The following ABCB10 variants were observed in gnomAD, a reference collection of about 807,000 sequenced individuals.
ABCB10 encodes ATP-binding cassette sub-family B member 10, mitochondrial.
Under a neutral mutation model 65.4 loss-of-function variants are expected in ABCB10, and 54 were observed. That is an observed-to-expected ratio of 0.83 (90% CI 0.66 to 1.04). The LOEUF (loss-of-function observed/expected upper bound fraction) is 1.04, where lower values mean the gene tolerates loss of function less well. ABCB10 is among the 50% of genes least tolerant of loss of function. The probability of loss-of-function intolerance (pLI) is 0.00; values close to 1 mark genes in which losing one functional copy is unlikely to be tolerated. For missense variants in ABCB10, 846 were observed against 976.6 expected, an observed-to-expected ratio of 0.87 and a Z score of 1.78; for synonymous variants, 418 against 406.5, an observed-to-expected ratio of 1.03 and a Z score of -0.34.
chr1:229,554,252 G>A (rs985595881), intron 1 of ABCB10, among the ~76,000 whole-genome samples: 4 of 152,114 alleles, frequency 2.6e-5, no homozygotes, highest in African/African-American at 9.7e-5. Context: ...GGACATGAGC[G>A]GCTGACAGAT....
chr1:229,518,536 C>T (rs893048664), intron 12 of ABCB10, 126 bp from the exon 13 acceptor site: 11 of 762,768 alleles, frequency 1.4e-5, no homozygotes, highest in East Asian at 1.3e-4. Context: ...CTGTTTAGGA[C>T]TTTCTGATCT....
chr1:229,526,655 G>T (rs987134925), intron 9 of ABCB10, among the ~76,000 whole-genome samples: 1 of 152,204 alleles, frequency 6.6e-6, no homozygotes, highest in Non-Finnish European at 1.5e-5. Context: ...TTCAGAAATG[G>T]GGGGAGGCTC....
chr1:229,542,883 T>C (rs966856693), intron 3 of ABCB10, among the ~76,000 whole-genome samples: 1 of 151,732 alleles, frequency 6.6e-6, no homozygotes, highest in South Asian at 2.1e-4. Flanking sequence ...GTAATCTCAG[T>C]ACTTTGGGAG....
At chr1:229,555,109 A>T (rs1281768811) in intron 1 of ABCB10, among the ~76,000 whole-genome samples, 1 of 152,154 alleles carries the variant, frequency 6.6e-6, no homozygotes, top group Admixed American at 6.5e-5. Context: ...AGTTTAATGA[A>T]GGCATGCTGC....
chr1:229,523,276 T>C (rs977060258), intron 10 of ABCB10, among the ~76,000 whole-genome samples: 3 of 152,354 alleles, frequency 2.0e-5, no homozygotes, highest in Middle Eastern at 3.4e-3. Context: ...CCAGGAACGC[T>C]ACTCCTAAGT....
intron 6 of ABCB10, among the ~76,000 whole-genome samples, chr1:229,532,355 G>C (rs1249099120): frequency 1.3e-5 from 2 of 152,084 alleles, no homozygotes; most frequent in Non-Finnish European, 2.9e-5. Flanking sequence ...TGCCGCAGAG[G>C]AAATCTACCT....
At chr1:229,527,835 T>C (rs982458260) in intron 8 of ABCB10, among the ~76,000 whole-genome samples, 4 of 152,232 alleles carry the variant, frequency 2.6e-5, no homozygotes, top group Non-Finnish European at 5.9e-5. Context: ...CAAACTGTCC[T>C]GGAAGTACAA....
At position 229,518,267 on chromosome 1, in the gene ABCB10, G is replaced by A. The variant is rs1247761430; in HGVS notation, c.2129C>T (p.Thr710Ile). The A allele has an allele frequency of 3.7e-6, 6 of 1,613,970 alleles. No homozygotes were observed. The highest frequency in any genetic ancestry group is 5.1e-6 in the Non-Finnish European group (6 of 1,180,008). ...CAGCTCTTCATGTTTTCCATATTCA[G>A]TAATTTTTCCTTGGTCAAGAACAGC... Reference protein sequence around the residue: ...MVAVLDQGKITEYGKHEELLS... With the variant: ...MVAVLDQGKIIEYGKHEELLS... The change falls in exon 13 of 13, where the codon ACT (threonine) becomes ATT (isoleucine). Residue 710 changes from threonine to isoleucine, a missense_variant. By Grantham distance (89) the Thr-to-Ile change is moderately conservative. Coordinates refer to ENST00000344517, the MANE Select transcript of ABCB10 (RefSeq NM_012089.3).
At position 229,526,585 on chromosome 1, in the gene ABCB10, C is replaced by A. The variant is rs184053319; in HGVS notation, c.1726-469G>T. On this transcript the variant is annotated intron_variant, in intron 9 of 12. Transcript: ENST00000344517. ...TCCCTACACTCCTGAGCACCCATCACCATCCACCTGCCCTCACCCAAGTGG... is the reference window on the plus strand; with the variant it reads ...TCCCTACACTCCTGAGCACCCATCAACATCCACCTGCCCTCACCCAAGTGG... 1.2e-3 allele frequency among the ~76,000 whole-genome samples: 181 copies of A among 152,348 alleles called. 1 individual carries two copies. The highest frequency in any genetic ancestry group is 4.4e-5 in the Non-Finnish European group (3 of 68,038).
chr1:229,558,009 G>A (rs1043333430), intron 1 of ABCB10, 127 bp downstream of exon 1: 1 of 1,029,034 alleles, frequency 9.7e-7, no homozygotes, highest in Non-Finnish European at 1.2e-6. Flanking sequence ...CCGGGGTTAG[G>A]AGTGGCCCAG....
chr1:229,550,731 G>A (rs1001520310), intron 1 of ABCB10, among the ~76,000 whole-genome samples: 1 of 150,942 alleles, frequency 6.6e-6, no homozygotes, highest in African/African-American at 2.4e-5. Context: ...AGGTGTGTTG[G>A]TGCGCACCTG....
chr1:229,538,864 G>A (rs1038660591), intron 6 of ABCB10, among the ~76,000 whole-genome samples: 2 of 152,098 alleles, frequency 1.3e-5, no homozygotes, highest in African/African-American at 4.8e-5. Flanking sequence ...CAAAAACCAG[G>A]AAATCATTTG....
At chr1:229,557,853 TTGG>T (rs1663296253) in intron 1 of ABCB10, among the ~76,000 whole-genome samples, 1 of 152,186 alleles carries the variant, frequency 6.6e-6, no homozygotes. Flanking sequence ...TCCCACTAAG[TTGG>T]TGGTGGAACA....
At chr1:229,522,962 G>A (rs1213991258) in intron 10 of ABCB10, among the ~76,000 whole-genome samples, 3 of 152,082 alleles carry the variant, frequency 2.0e-5, no homozygotes, top group Non-Finnish European at 4.4e-5. Context: ...TGATTCTCCT[G>A]CCTCAGCCTC....
At chr1:229,550,680 CTG>C (rs1663087082) in intron 1 of ABCB10, among the ~76,000 whole-genome samples, 1 of 148,892 alleles carries the variant, frequency 6.7e-6, no homozygotes, top group African/African-American at 2.5e-5. Context: ...TGGTGAAACC[CTG>C]TCTCTACTAA....
At position 229,558,343 on chromosome 1, in the gene ABCB10, C is replaced by T; in HGVS notation, c.310G>A (p.Ala104Thr). 7.9e-7 allele frequency: 1 copy of T among 1,260,312 alleles called. No homozygotes were observed. The highest frequency in any genetic ancestry group is 1.0e-6 in the Non-Finnish European group (1 of 991,938). The allele number at this position is 1,260,312 out of a possible 1,614,324, so 78.1% of individuals were successfully genotyped here. A position where few individuals can be genotyped will look rare whatever the true frequency, so the allele number is the denominator to read the frequency against. The change falls in exon 1 of 13, where the codon GCT (alanine) becomes ACT (threonine). Residue 104 changes from alanine to threonine, a missense_variant. Physicochemically the swap from Ala to Thr is moderately conservative, Grantham distance 58 (BLOSUM62 0). Around this residue, in one of 2 missense-constraint regions of ABCB10, gnomAD observed 214 missense variants for 173.5 expected, o/e 1.23. Transcript: ENST00000344517. ...CGAGGAGCGCCTGGCCCGGCAAAAG[C>T]CCCGCACCTGCAGCTGCCGGGGCCG... ...ARGPGSCRCGAFAGPGAPRLP... is the reference protein window; with the variant it reads ...ARGPGSCRCGTFAGPGAPRLP...
At chr1:229,542,867 A>C (rs1662883523) in intron 3 of ABCB10, among the ~76,000 whole-genome samples, 1 of 152,092 alleles carries the variant, frequency 6.6e-6, no homozygotes, top group Non-Finnish European at 1.5e-5. Context: ...GTGGTGGCTC[A>C]CGCCTGTAAT....
chr1:229,539,504 G>A lies in ABCB10; in HGVS notation c.1291C>T (p.Leu431Phe), dbSNP rs1265412153. The A allele has an allele frequency of 2.5e-6, 4 of 1,613,886 alleles. No homozygotes were observed. The highest frequency in any genetic ancestry group is 1.3e-5 in the African/African-American group (1 of 74,920). Reference sequence around the variant, plus strand: ...AAAGCATACATTAGGAAGGAAGAGAGTTCACCCACGGTCATGTGGGCACTG... The same window carrying A: ...AAAGCATACATTAGGAAGGAAGAGAATTCACCCACGGTCATGTGGGCACTG... ...MGSAHMTVGE[L>F]SSFLMYAFWV... is the part of the protein sequence containing the mutation. The change falls in exon 6 of 13, where the codon CTC (leucine) becomes TTC (phenylalanine). Residue 431 changes from leucine (L) to phenylalanine (F), a missense_variant. This residue lies in a region of ABCB10 where 632 missense variants were observed against 803.2 expected (regional missense o/e 0.79). Transcript: ENST00000344517.
chr1:229,525,558 G>A (rs1290424603), intron 10 of ABCB10, among the ~76,000 whole-genome samples: 1 of 152,030 alleles, frequency 6.6e-6, no homozygotes, highest in African/African-American at 2.4e-5. Flanking sequence ...AGAAACATGT[G>A]GGCTGGGCAC....
Sources: gnomAD v4.1 joint callset for allele counts (sites outside exome capture counted in the v4.1 genomes callset) on GRCh38, gnomAD v4.1.1 for gene constraint, gnomAD v4.1.1 regional missense constraint, MANE v1.5 for transcripts, NCBI Gene and HGNC (gene_info 2026-07-23, HGNC 2026-07-21) for gene names.